Variants in VPS53 observed in about 807,000 individuals in gnomAD.
VPS53 encodes the protein vacuolar protein sorting-associated protein 53 homolog.
Under a neutral mutation model 107.0 loss-of-function variants are expected in VPS53, and 70 were observed. The ratio of observed to expected loss-of-function variants is 0.65; its 90% confidence interval spans 0.54 to 0.80. The LOEUF is 0.80. Ranked by LOEUF, VPS53 falls within the 30% of genes least tolerant of loss-of-function variation. The probability of loss-of-function intolerance (pLI) is 0.00; values close to 1 mark genes in which losing one functional copy is unlikely to be tolerated. For missense variants in VPS53, 917 were observed against 1,049.4 expected, an observed-to-expected ratio of 0.87 and a Z score of 1.74; for synonymous variants, 409 against 393.3, an observed-to-expected ratio of 1.04 and a Z score of -0.47.
intron 15 of VPS53, among the ~76,000 whole-genome samples, chr17:557,724 T>C (rs1447477764): frequency 6.6e-6 from 1 of 152,184 alleles, no homozygotes; most frequent in Admixed American, 6.5e-5. Context: ...AAAAAATAAT[T>C]GGCCACTTGT....
intron 4 of VPS53, among the ~76,000 whole-genome samples, chr17:666,891 CCTAGG>C: frequency 6.6e-6 from 1 of 152,274 alleles, no homozygotes; most frequent in Non-Finnish European, 1.5e-5. Flanking sequence ...TGCACTCCAG[CCTAGG>C]CGACAGAGCA....
intron 15 of VPS53, 27 bp downstream of exon 15, chr17:560,399 G>GGTGA: frequency 1.2e-6 from 2 of 1,602,084 alleles, no homozygotes; most frequent in African/African-American, 2.7e-5. Flanking sequence ...AAAAGGAGGT[G>GGTGA]GTGAGTGGGC....
chr17:709,973 C>T (rs1973576577), intron 2 of VPS53, among the ~76,000 whole-genome samples: 1 of 152,000 alleles, frequency 6.6e-6, no homozygotes, highest in Admixed American at 6.6e-5. Context: ...GCTGAAACCC[C>T]GTCTCTACTA....
rs1328117626 is a variant in VPS53, at chr17:646,048, G to A, written c.608+7243C>T. On this transcript the variant is annotated intron_variant, in intron 7 of 21. Coordinates refer to ENST00000437048, the MANE Select transcript of VPS53 (RefSeq NM_001128159.3). Reference sequence around the variant, plus strand: ...CTCCCACACACATCTCGGTGACCGCGTGGCCTCTGCCTGATAAGGGTCTTA... The same window carrying A: ...CTCCCACACACATCTCGGTGACCGCATGGCCTCTGCCTGATAAGGGTCTTA... Among the ~76,000 whole-genome samples the A allele has an allele frequency of 3.1e-5, 4 of 127,346 alleles. 1 individual carries two copies. Among genetic ancestry groups the A allele is most frequent in the Admixed American group, 1.8e-4 (2 of 11,064 alleles). The allele number at this position is 127,346 out of a possible 152,430, so 83.5% of individuals were successfully genotyped here. A position where few individuals can be genotyped will look rare whatever the true frequency, so the allele number is the denominator to read the frequency against.
At chr17:659,105 A>T (rs1024028259) in intron 5 of VPS53, among the ~76,000 whole-genome samples, 1 of 151,920 alleles carries the variant, frequency 6.6e-6, no homozygotes. Context: ...CAAAAAAAAT[A>T]AAAATAAATA....
intron 13 of VPS53, among the ~76,000 whole-genome samples, chr17:565,118 T>C (rs1026364745): frequency 2.6e-5 from 4 of 152,164 alleles, no homozygotes; most frequent in Admixed American, 6.5e-5. Context: ...AAGTCTATTA[T>C]AGGCCCAACG....
chr17:578,732 A>T (rs992864374), intron 13 of VPS53, among the ~76,000 whole-genome samples: 1 of 150,634 alleles, frequency 6.6e-6, no homozygotes, highest in African/African-American at 2.4e-5. Context: ...TTACCAGAGA[A>T]CCTCCCTCAG....
chr17:691,927 T>C (rs1009130149), intron 4 of VPS53, among the ~76,000 whole-genome samples: 10 of 152,126 alleles, frequency 6.6e-5, no homozygotes, highest in Admixed American at 1.3e-4. Context: ...ATATATAGGG[T>C]TTGCTACTCT....
chr17:690,551 T>C (rs1409286179), intron 4 of VPS53, among the ~76,000 whole-genome samples: 2 of 152,236 alleles, frequency 1.3e-5, no homozygotes, highest in Non-Finnish European at 2.9e-5. Context: ...GGTGGATGCA[T>C]GTGGACACAC....
intron 8 of VPS53, among the ~76,000 whole-genome samples, chr17:630,854 T>C (rs1468806971): frequency 6.6e-6 from 1 of 152,144 alleles, no homozygotes; most frequent in African/African-American, 2.4e-5. Context: ...TCTCTTGAAA[T>C]AGCTCAAACA....
chr17:512,271 A>G lies in VPS53; in HGVS notation c.*6857T>C, dbSNP rs894503772. 3 of 152,228 alleles carry G rather than the reference A, an allele frequency of 2.0e-5. No homozygotes were observed. The highest frequency in any genetic ancestry group is 7.2e-5 in the African/African-American group (3 of 41,460). The allele number at this position is 152,228 out of a possible 1,614,324, so 9.4% of individuals were successfully genotyped here. The stretch of plus-strand genomic sequence containing the variant: ...CTTCACACTGCCTTATGGCAGAGCA[A>G]GTGCATATAGCCCGGTCTTGTGTGA... On this transcript the variant is annotated 3_prime_UTR_variant, in exon 22 of 22. Transcript: ENST00000437048.
At chr17:645,129 T>C (rs554551374) in intron 7 of VPS53, among the ~76,000 whole-genome samples, 4 of 152,124 alleles carry the variant, frequency 2.6e-5, no homozygotes, top group East Asian at 3.8e-4. Context: ...TTTAAACAAA[T>C]GTTGAAAAGC....
chr17:686,332 AAAG>A (rs750684974), intron 4 of VPS53, among the ~76,000 whole-genome samples: 30 of 152,206 alleles, frequency 2.0e-4, no homozygotes, highest in African/African-American at 7.0e-4. Context: ...AGAAGAAAAA[AAAG>A]AAGAATTTGG....
At chr17:657,625 C>T in intron 5 of VPS53, 2 of 632,854 alleles carry the variant, frequency 3.2e-6, no homozygotes, top group Non-Finnish European at 5.7e-6. Flanking sequence ...AATTTGGTTG[C>T]CCAGGTTCTG....
chr17:603,549 G>A (rs1180979385), intron 11 of VPS53, among the ~76,000 whole-genome samples: 1 of 152,248 alleles, frequency 6.6e-6, no homozygotes, highest in Non-Finnish European at 1.5e-5. Context: ...ACACTTGGAT[G>A]CAAGTGATGT....
At position 519,116 on chromosome 17, in the gene VPS53, C is replaced by A. The variant is rs1437268014; in HGVS notation, c.*12G>T. On this transcript the variant is annotated 3_prime_UTR_variant, in exon 22 of 22. Transcript: ENST00000437048. The surrounding 1 kb of genome is among the most constrained non-coding windows in gnomAD (Gnocchi z 5.0). Reference sequence around the variant, plus strand: ...GGGTCTCCAGCCAGGAGCAAAGGGCCCCTTGCTGCTGCTACAGTCTCTTTT... The same window carrying A: ...GGGTCTCCAGCCAGGAGCAAAGGGCACCTTGCTGCTGCTACAGTCTCTTTT... The A allele has an allele frequency of 6.7e-7, 1 of 1,492,204 alleles. No individual in the cohort carries two copies. The highest frequency in any genetic ancestry group is 1.4e-5 in the African/African-American group (1 of 70,908). The allele number at this position is 1,492,204 out of a possible 1,614,324, so 92.4% of individuals were successfully genotyped here. A position where few individuals can be genotyped will look rare whatever the true frequency, so the allele number is the denominator to read the frequency against.
intron 8 of VPS53, among the ~76,000 whole-genome samples, chr17:630,518 G>A (rs1176281078): frequency 6.6e-6 from 1 of 152,136 alleles, no homozygotes; most frequent in Admixed American, 6.6e-5. Flanking sequence ...GGAATATGAG[G>A]TTCTCCAAGG....
At chr17:565,957 A>T (rs2151857754) in intron 13 of VPS53, among the ~76,000 whole-genome samples, 2 of 152,198 alleles carry the variant, frequency 1.3e-5, no homozygotes, top group East Asian at 3.9e-4. Context: ...TAATCCCAGC[A>T]CTTTGGGAGG....
chr17:578,910 A>G (rs16953715), intron 13 of VPS53, among the ~76,000 whole-genome samples: 2,301 of 149,866 alleles, frequency 0.015, 22 homozygotes, highest in Middle Eastern at 0.029. Context: ...TCAGAATGGA[A>G]TGCGTTTGTA....
Sources: gnomAD v4.1 joint callset for allele counts (sites outside exome capture counted in the v4.1 genomes callset) on GRCh38, gnomAD v4.1.1 for gene constraint, Gnocchi (gnomAD v3.1) non-coding constraint, MANE v1.5 for transcripts, NCBI Gene and HGNC (gene_info 2026-07-23, HGNC 2026-07-21) for gene names.